Variants in OR1D2 observed in about 807,000 individuals in gnomAD.
OR1D2 encodes the protein olfactory receptor 1D2.
For missense variants in OR1D2, 357 were observed against 376.1 expected (o/e 0.95, Z 0.42); for synonymous variants, 157 against 153.9 (o/e 1.02, Z -0.15).
rs2047814191 is a variant in OR1D2, at chr17:3,092,197, G to C, written c.800C>G (p.Ser267Cys). The change falls in exon 2 of 2, where the codon TCT becomes TGT. Residue 267 changes from serine to cysteine, a missense_variant. Coordinates refer to ENST00000641833, the MANE Select transcript of OR1D2 (RefSeq NM_002548.3). ...MVYLKPLHTY[S>C]VKDSVATVMY... is the part of the protein sequence containing the mutation. Reference sequence around the variant, plus strand: ...CACTGTGGCTACTGAGTCCTTCACAGAGTAGGTATGGAGGGGCTTTAGGTA... The same window carrying C: ...CACTGTGGCTACTGAGTCCTTCACACAGTAGGTATGGAGGGGCTTTAGGTA... The C allele has an allele frequency of 6.2e-7, 1 of 1,614,186 alleles. No individual in the cohort carries two copies. Among genetic ancestry groups the C allele is most frequent in the South Asian group, 1.1e-5 (1 of 91,088 alleles).
Position 3,090,667 on chromosome 17 carries a change from G to C in OR1D2, c.*1391C>G, listed in dbSNP as rs2047801284. On this transcript the variant is annotated 3_prime_UTR_variant, in exon 2 of 2. Coordinates refer to ENST00000641833, the MANE Select transcript of OR1D2 (RefSeq NM_002548.3). ...TTAGCCAGATATTCTGGGCTGGCCA[G>C]TTGGCAGGGTCTATGGGCAGGCAGG... The C allele has an allele frequency of 6.6e-6, 1 of 152,296 alleles. No individual in the cohort carries two copies. Among genetic ancestry groups the C allele is most frequent in the Non-Finnish European group, 1.5e-5 (1 of 68,090 alleles). The allele number at this position is 152,296 out of a possible 1,614,324, so 9.4% of individuals were successfully genotyped here. A position where few individuals can be genotyped will look rare whatever the true frequency, so the allele number is the denominator to read the frequency against.
At position 3,088,928 on chromosome 17, in the gene OR1D2, C is replaced by T. The variant is rs571013767; in HGVS notation, c.*3130G>A. 3.3e-5 allele frequency: 5 copies of T among 151,222 alleles called. No individual in the cohort carries two copies. The highest frequency in any genetic ancestry group is 9.8e-5 in the African/African-American group (4 of 41,004). 9.4% of individuals were successfully genotyped at this position (151,222 alleles called of 1,614,324 possible). A position where few individuals can be genotyped will look rare whatever the true frequency, so the allele number is the denominator to read the frequency against. ...AATTTAAGTTGAACTTCACCTTTCT[C>T]GGGCACCTCCTTGATTAGCTTAATA... On this transcript the variant is annotated 3_prime_UTR_variant, in exon 2 of 2. Coordinates refer to ENST00000641833, the MANE Select transcript of OR1D2 (RefSeq NM_002548.3).
intron 1 of OR1D2, 127 bp downstream of exon 1, chr17:3,103,972 G>A (rs1306438122): frequency 1.3e-5 from 2 of 152,142 alleles, no homozygotes; most frequent in African/African-American, 2.4e-5. Context: ...AGACTAAGAG[G>A]TGAGATTACA....
Position 3,091,191 on chromosome 17 carries a change from A to G in OR1D2, c.*867T>C, listed in dbSNP as rs537484822. On this transcript the variant is annotated 3_prime_UTR_variant, in exon 2 of 2. Transcript: ENST00000641833. ...GTGGATGGTTGATAAATTAGTCTGT[A>G]TGTTGGTGGATGAGAGATACAACTG... 6.6e-6 allele frequency: 1 copy of G among 152,310 alleles called. No homozygotes were observed. The highest frequency in any genetic ancestry group is 6.5e-5 in the Admixed American group (1 of 15,302). 9.4% of individuals were successfully genotyped at this position (152,310 alleles called of 1,614,324 possible).
At chr17:3,095,183 A>G (rs74469244) in intron 1 of OR1D2, among the ~76,000 whole-genome samples, 2,820 of 152,242 alleles carry the variant, frequency 0.019, 81 homozygotes, top group African/African-American at 0.062. Context: ...CAGAATAAAT[A>G]CAAAGAGATT....
rs772330193 is a variant in OR1D2 at position 3,093,017 on chromosome 17, A to G, written c.-21T>C. Reference sequence around the variant, plus strand: ...TCCATTTCCCCAACTCTCTTTTAACATTAACACCAGCAAATGTTTACCAAA... The same window carrying G: ...TCCATTTCCCCAACTCTCTTTTAACGTTAACACCAGCAAATGTTTACCAAA... On this transcript the variant is annotated 5_prime_UTR_variant, in exon 2 of 2. The change abolishes an upstream ATG in the 5' untranslated region. Coordinates refer to ENST00000641833, the MANE Select transcript of OR1D2 (RefSeq NM_002548.3). 4.4e-6 allele frequency: 7 copies of G among 1,603,086 alleles called. No homozygotes were observed. In the East Asian group the frequency reaches 1.3e-4, roughly 31 times the overall value.
chr17:3,093,051 A>T lies in OR1D2; in HGVS notation c.-50-5T>A, dbSNP rs2047825833. ...AGCAAATGTTTACCAAAAGTCCTTA[A>T]TTGAATAAAAACATGAAGATAAGCA... On this transcript the variant is annotated splice_polypyrimidine_tract_variant and splice_region_variant and intron_variant, in intron 1 of 1. Coordinates refer to ENST00000641833, the MANE Select transcript of OR1D2 (RefSeq NM_002548.3). The T allele has an allele frequency of 4.7e-6, 7 of 1,500,016 alleles. No individual in the cohort carries two copies. The highest frequency in any genetic ancestry group is 6.4e-6 in the Non-Finnish European group (7 of 1,092,514). The allele number at this position is 1,500,016 out of a possible 1,614,324, so 92.9% of individuals were successfully genotyped here.
chr17:3,094,395 TG>T (rs1263880342), intron 1 of OR1D2, among the ~76,000 whole-genome samples: 1 of 151,750 alleles, frequency 6.6e-6, no homozygotes, highest in African/African-American at 2.4e-5. Context: ...AAAAGAAACA[TG>T]TATATGTAAA....
At chr17:3,099,850 C>G (rs1311023013) in intron 1 of OR1D2, among the ~76,000 whole-genome samples, 1 of 151,306 alleles carries the variant, frequency 6.6e-6, no homozygotes, top group East Asian at 1.9e-4. Context: ...AGATGGAAAG[C>G]AAAAAAATAA....
chr17:3,099,188 A>G (rs753003055), intron 1 of OR1D2, among the ~76,000 whole-genome samples: 10 of 152,140 alleles, frequency 6.6e-5, no homozygotes, highest in Non-Finnish European at 1.3e-4. Flanking sequence ...CACCACTAAA[A>G]TACTCCATGA....
At position 3,092,470 on chromosome 17, in the gene OR1D2, T is replaced by A; in HGVS notation, c.527A>T (p.Tyr176Phe). Residue 176 changes from tyrosine to phenylalanine, a missense_variant, in exon 2 of 2, where the codon TAC (tyrosine) becomes TTC (phenylalanine). Tyr to Phe is a conservative substitution (Grantham distance 22). Coordinates refer to ENST00000641833, the MANE Select transcript of OR1D2 (RefSeq NM_002548.3). ...VTFCGSRKIH[Y>F]IFCEMYVLLR... The stretch of plus-strand genomic sequence containing the variant: ...CAATACATACATCTCACAGAAGATG[T>A]AGTGGATTTTTCGTGACCCACAGAA... The A allele has an allele frequency of 6.2e-7, 1 of 1,614,068 alleles. No individual in the cohort carries two copies. The highest frequency in any genetic ancestry group is 8.5e-7 in the Non-Finnish European group (1 of 1,180,014).
chr17:3,101,313 G>T (rs953180225), intron 1 of OR1D2, among the ~76,000 whole-genome samples: 1 of 152,124 alleles, frequency 6.6e-6, no homozygotes, highest in African/African-American at 2.4e-5. Context: ...ACATCAAAAA[G>T]CTTATCCACC....
Position 3,094,112 on chromosome 17 carries a change from G to A in OR1D2, c.-50-1066C>T, listed in dbSNP as rs1052501357. Among the ~76,000 whole-genome samples, 11 of 152,282 alleles carry A rather than the reference G, an allele frequency of 7.2e-5. No homozygotes were observed. The East Asian group carries it at 9.6e-4, about 13-fold the overall frequency. ...AAACTTCACAGATAGACACAAAAAC[G>A]TGGAATTTGGCAGATTAATTTGGGT... is the stretch of plus-strand genomic sequence containing the variant. On this transcript the variant is annotated intron_variant, in intron 1 of 1. Coordinates refer to ENST00000641833, the MANE Select transcript of OR1D2 (RefSeq NM_002548.3).
chr17:3,100,355 C>T (rs2151708528), intron 1 of OR1D2, among the ~76,000 whole-genome samples: 1 of 152,270 alleles, frequency 6.6e-6, no homozygotes, highest in African/African-American at 2.4e-5. Context: ...CAAATTAGAA[C>T]TCAGGATTGA....
intron 1 of OR1D2, among the ~76,000 whole-genome samples, chr17:3,093,661 T>C (rs2047828577): frequency 6.6e-6 from 1 of 152,162 alleles, no homozygotes; most frequent in African/African-American, 2.4e-5. Context: ...CACTCAGAAA[T>C]GTTGCCTATT....
At chr17:3,103,283 C>T (rs1454458993) in intron 1 of OR1D2, among the ~76,000 whole-genome samples, 1 of 152,018 alleles carries the variant, frequency 6.6e-6, no homozygotes, top group African/African-American at 2.4e-5. Flanking sequence ...TCACTCTGCC[C>T]AGGTTGGAGT....
At position 3,092,424 on chromosome 17, in the gene OR1D2, G is replaced by T; in HGVS notation, c.573C>A (p.Asn191Lys). 6.2e-7 allele frequency: 1 copy of T among 1,614,226 alleles called. No individual in the cohort carries two copies. Among genetic ancestry groups the T allele is most frequent in the Non-Finnish European group, 8.5e-7 (1 of 1,180,048 alleles). The change falls in exon 2 of 2, where the codon AAC becomes AAA. Residue 191 changes from asparagine to lysine, a missense_variant. By Grantham distance (94) the Asn-to-Lys change is moderately conservative. Transcript: ENST00000641833. ...TCAGCACTGTGTGATTAATCTGAAT[G>T]TTGGAACATGCCATCCTCAGCAATA... is the stretch of plus-strand genomic sequence containing the variant. The part of the protein sequence containing the change: ...MYVLLRMACS[N>K]IQINHTVLIA...
chr17:3,090,205 G>A lies in OR1D2; in HGVS notation c.*1853C>T, dbSNP rs1053257647. On this transcript the variant is annotated 3_prime_UTR_variant, in exon 2 of 2. Transcript: ENST00000641833. ...TTCAAATGACCTGTTTTTGAGTAGT[G>A]AATTCTTTCTTCTGTTTCTTCATAT... is the stretch of plus-strand genomic sequence containing the variant. 2.0e-5 allele frequency: 3 copies of A among 152,198 alleles called. No homozygotes were observed. In the South Asian group the frequency reaches 6.2e-4, roughly 32 times the overall value. 9.4% of individuals were successfully genotyped at this position (152,198 alleles called of 1,614,324 possible).
In OR1D2 at chr17:3,093,083, A is replaced by G; in HGVS notation, c.-50-37T>C. Reference sequence around the variant, plus strand: ...AAAAACATGAAGATAAGCAAAATCAACATTTTCTTAGAATTAAGAATGTCT... The same window carrying G: ...AAAAACATGAAGATAAGCAAAATCAGCATTTTCTTAGAATTAAGAATGTCT... On this transcript the variant is annotated intron_variant, in intron 1 of 1. Transcript: ENST00000641833. The G allele has an allele frequency of 7.3e-6, 9 of 1,237,490 alleles. 1 individual carries two copies. In the South Asian group the frequency reaches 1.3e-4, roughly 18 times the overall value. The allele number at this position is 1,237,490 out of a possible 1,614,324, so 76.7% of individuals were successfully genotyped here.
Sources: allele counts gnomAD v4.1 joint callset (sites outside exome capture counted in the v4.1 genomes callset), GRCh38; gene constraint gnomAD v4.1.1; transcripts MANE v1.5; gene names NCBI Gene and HGNC (gene_info 2026-07-23, HGNC 2026-07-21).